Variants in LRRC8D observed in about 807,000 individuals in gnomAD.
LRRC8D encodes volume-regulated anion channel subunit LRRC8D.
Under a neutral mutation model 55.8 loss-of-function variants are expected in LRRC8D, and 20 were observed. The ratio of observed to expected loss-of-function variants is 0.36; its 90% CI spans 0.25 to 0.52. LRRC8D has a LOEUF of 0.52. LRRC8D is among the 20% of genes least tolerant of loss of function. The pLI is 0.93. For synonymous variants in LRRC8D, 352 were observed against 377.0 expected, an observed-to-expected ratio of 0.93 and a Z score of 0.77; for missense variants, 651 against 1,030.8, an observed-to-expected ratio of 0.63 and a Z score of 5.05.
At chr1:89,860,807 T>TATATATATATAC (rs1661699785) in intron 2 of LRRC8D, among the ~76,000 whole-genome samples, 1 of 111,420 alleles carries the variant, frequency 9.0e-6, no homozygotes, top group South Asian at 3.1e-4. Flanking sequence ...TATATATATA[T>TATATATATATAC]ATACACACAC....
intron 1 of LRRC8D, 151 bp from the exon 2 acceptor site, chr1:89,843,486 CG>C (rs996824876): frequency 4.4e-6 from 2 of 455,720 alleles, no homozygotes; most frequent in Non-Finnish European, 8.0e-6. Context: ...GCGGCGGGGT[CG>C]CCACGGCCAG....
intron 2 of LRRC8D, among the ~76,000 whole-genome samples, chr1:89,845,385 G>A (rs1661249374): frequency 6.6e-6 from 1 of 152,192 alleles, no homozygotes; most frequent in African/African-American, 2.4e-5. Flanking sequence ...AGATGGCTGT[G>A]TTTATGCCTC....
chr1:89,899,207 A>G (rs1052578020), intron 2 of LRRC8D, among the ~76,000 whole-genome samples: 6 of 152,126 alleles, frequency 3.9e-5, no homozygotes, highest in African/African-American at 1.4e-4. Flanking sequence ...TTCTGAGGCC[A>G]CCCCGCATTA....
intron 2 of LRRC8D, among the ~76,000 whole-genome samples, chr1:89,909,030 G>C (rs1436532042): frequency 3.3e-5 from 5 of 152,130 alleles, no homozygotes; most frequent in African/African-American, 4.8e-5. Context: ...TTGCGTGTGT[G>C]TGTGTGTCTG....
Position 89,839,654 on chromosome 1 carries a change from A to G in LRRC8D, c.-147-3984A>G, listed in dbSNP as rs540982727. Among the ~76,000 whole-genome samples, 26 of 152,300 alleles carry G rather than the reference A, an allele frequency of 1.7e-4. No homozygotes were observed. In the South Asian group the frequency reaches 4.1e-3, roughly 24 times the overall value. On this transcript the variant is annotated intron_variant, in intron 1 of 2. Coordinates refer to ENST00000337338, the MANE Select transcript of LRRC8D (RefSeq NM_001134479.2). ...TTGAAAGCCATGGTTCAGGTTTTGC[A>G]GAGACCAGGAAGTGAATGTGAGTGC...
intron 2 of LRRC8D, among the ~76,000 whole-genome samples, chr1:89,907,209 T>TTTTG (rs1663017799): frequency 1.4e-5 from 2 of 143,570 alleles, no homozygotes; most frequent in Admixed American, 7.0e-5. Context: ...TTTTTTTTTT[T>TTTTG]GATACTGAGT....
intron 2 of LRRC8D, among the ~76,000 whole-genome samples, chr1:89,902,533 CT>C (rs1455168546): frequency 6.6e-6 from 1 of 151,558 alleles, no homozygotes; most frequent in East Asian, 1.9e-4. Flanking sequence ...TTTTCTTTTT[CT>C]TTTTTTCTTT....
intron 2 of LRRC8D, among the ~76,000 whole-genome samples, chr1:89,887,412 T>C (rs1267281056): frequency 6.6e-6 from 1 of 152,192 alleles, no homozygotes; most frequent in Non-Finnish European, 1.5e-5. Context: ...TGCCTGGAAC[T>C]GAACTGAACA....
At chr1:89,871,408 G>A (rs1324979170) in intron 2 of LRRC8D, among the ~76,000 whole-genome samples, 9 of 152,186 alleles carry the variant, frequency 5.9e-5, no homozygotes, top group Admixed American at 5.2e-4. Flanking sequence ...AACCGCCTGC[G>A]CATAGCGTTC....
Position 89,909,023 on chromosome 1 carries a change from C to CGT in LRRC8D, c.-2-24031_-2-24030dup, listed in dbSNP as rs149782857. 5.3e-3 allele frequency among the ~76,000 whole-genome samples: 804 copies of CGT among 151,516 alleles called. 12 individuals are homozygous for CGT. Among genetic ancestry groups the CGT allele is most frequent in the African/African-American group, 0.018 (750 of 41,324 alleles). On this transcript the variant is annotated intron_variant, in intron 2 of 2. Coordinates refer to ENST00000337338, the MANE Select transcript of LRRC8D (RefSeq NM_001134479.2). Reference sequence around the variant, plus strand: ...AGCTTTAAAGGAGTGGGTGTGTTTGCGTGTGTGTGTGTGTCTGTGTGTCTG... The same window carrying CGT: ...AGCTTTAAAGGAGTGGGTGTGTTTGCGTGTGTGTGTGTGTGTCTGTGTGTCTG...
At chr1:89,823,564 A>G (rs1381788250) in intron 1 of LRRC8D, among the ~76,000 whole-genome samples, 1 of 152,210 alleles carries the variant, frequency 6.6e-6, no homozygotes, top group Non-Finnish European at 1.5e-5. Context: ...CTTTGTAATC[A>G]TGATTATTAT....
chr1:89,934,935 A>G lies in LRRC8D; in HGVS notation c.1867A>G (p.Thr623Ala). Reference sequence around the variant, plus strand: ...AAAGTTAGTCATTCATAATGACGGCACTAAACTCTTGGTACTGAACAGCCT... The same window carrying G: ...AAAGTTAGTCATTCATAATGACGGCGCTAAACTCTTGGTACTGAACAGCCT... ...LTKLVIHNDG[T>A]KLLVLNSLKK... Residue 623 changes from threonine to alanine, a missense_variant, in exon 3 of 3, where the codon ACT (threonine) becomes GCT (alanine). Coordinates refer to ENST00000337338, the MANE Select transcript of LRRC8D (RefSeq NM_001134479.2). This position sits in a 1 kb window ranked among gnomAD's most constrained non-coding sequence, Gnocchi z 5.9. 1 of 1,614,142 alleles carries G rather than the reference A, an allele frequency of 6.2e-7. No homozygotes were observed. The highest frequency in any genetic ancestry group is 8.5e-7 in the Non-Finnish European group (1 of 1,180,024).
chr1:89,906,003 T>G (rs1249995474), intron 2 of LRRC8D, among the ~76,000 whole-genome samples: 2 of 152,208 alleles, frequency 1.3e-5, no homozygotes, highest in African/African-American at 4.8e-5. Context: ...AGAGAAGACC[T>G]CTCTACAATT....
intron 2 of LRRC8D, among the ~76,000 whole-genome samples, chr1:89,847,824 T>G (rs1485482178): frequency 6.6e-6 from 1 of 152,192 alleles, no homozygotes; most frequent in Non-Finnish European, 1.5e-5. Flanking sequence ...TGAGAGTTAT[T>G]TAATATCAGC....
At chr1:89,909,371 T>A (rs1388315367) in intron 2 of LRRC8D, among the ~76,000 whole-genome samples, 1 of 152,020 alleles carries the variant, frequency 6.6e-6, no homozygotes, top group Non-Finnish European at 1.5e-5. Context: ...AGCTGTTTGG[T>A]ATAGATGATT....
chr1:89,896,403 C>T (rs77463039), intron 2 of LRRC8D, among the ~76,000 whole-genome samples: 2,356 of 152,228 alleles, frequency 0.015, 33 homozygotes, highest in Non-Finnish European at 0.023. Context: ...CTCGTGGTCA[C>T]GTAGCTAGTG....
At chr1:89,897,406 A>T (rs1662739085) in intron 2 of LRRC8D, among the ~76,000 whole-genome samples, 1 of 152,170 alleles carries the variant, frequency 6.6e-6, no homozygotes, top group Admixed American at 6.5e-5. Flanking sequence ...AATTTTTGTC[A>T]CAAGAAAGGC....
chr1:89,835,794 G>A (rs997714409), intron 1 of LRRC8D, among the ~76,000 whole-genome samples: 2 of 152,206 alleles, frequency 1.3e-5, no homozygotes, highest in East Asian at 1.9e-4. Context: ...TAACACTCAC[G>A]TGTTAGCTGC....
chr1:89,911,533 C>T lies in LRRC8D; in HGVS notation c.-2-21534C>T, dbSNP rs77396239. Among the ~76,000 whole-genome samples, 269 of 152,252 alleles carry T rather than the reference C, an allele frequency of 1.8e-3. No individual in the cohort carries two copies. Among genetic ancestry groups the T allele is most frequent in the African/African-American group, 6.1e-3 (255 of 41,546 alleles). ...GAAAAACATCTTGGTACTCTCTCACCCTGCTACTTCCAACTTTTACCCCTC... is the reference window on the plus strand; with the variant it reads ...GAAAAACATCTTGGTACTCTCTCACTCTGCTACTTCCAACTTTTACCCCTC... On this transcript the variant is annotated intron_variant, in intron 2 of 2. Transcript: ENST00000337338. The surrounding 1 kb of genome is among the most constrained non-coding windows in gnomAD (Gnocchi z 4.0).
Sources: allele counts gnomAD v4.1 joint callset (sites outside exome capture counted in the v4.1 genomes callset), GRCh38; gene constraint gnomAD v4.1.1; non-coding constraint Gnocchi (gnomAD v3.1); transcripts MANE v1.5; gene names NCBI Gene and HGNC (gene_info 2026-07-23, HGNC 2026-07-21).